The following PTPRG variants were observed in gnomAD, a reference collection of about 807,000 sequenced individuals.
The protein encoded by PTPRG is protein tyrosine phosphatase receptor type G.
Under a neutral mutation model 165.3 loss-of-function variants are expected in PTPRG, and 102 were observed. That is an observed-to-expected ratio of 0.62 (90% CI 0.53 to 0.73). The LOEUF (loss-of-function observed/expected upper bound fraction) is 0.73. Ranked by LOEUF, PTPRG falls within the 30% of genes least tolerant of loss-of-function variation. The pLI is 0.00. For missense variants in PTPRG, 1,866 were observed against 1,861.4 expected (o/e 1.00, Z -0.05); for synonymous variants, 675 against 669.5 (o/e 1.01, Z -0.13).
At chr3:62,022,016 G>T (rs2041706117) in intron 4 of PTPRG, among the ~76,000 whole-genome samples, 2 of 151,870 alleles carry the variant, frequency 1.3e-5, no homozygotes, top group Admixed American at 1.3e-4. Flanking sequence ...CCAATGTAGA[G>T]AATACATATA....
Position 62,252,369 on chromosome 3 carries a change from ACTT to A in PTPRG, c.2468-2749_2468-2747del, listed in dbSNP as rs1204261484. Among the ~76,000 whole-genome samples the A allele has an allele frequency of 2.0e-5, 3 of 152,216 alleles. No individual in the cohort carries two copies. Among genetic ancestry groups the A allele is most frequent in the African/African-American group, 4.8e-5 (2 of 41,458 alleles). On this transcript the variant is annotated intron_variant, in intron 15 of 29. Transcript: ENST00000474889. The surrounding 1 kb of genome is among the most constrained non-coding windows in gnomAD (Gnocchi z 4.6). ...ACTTTTTATCTAGGGTCTGCAGCCA[ACTT>A]CTTCTGCCATTCTAAACTTTTTTCA... is the stretch of plus-strand genomic sequence containing the variant.
intron 1 of PTPRG, among the ~76,000 whole-genome samples, chr3:61,710,925 C>A (rs1043489362): frequency 3.3e-5 from 5 of 151,974 alleles, no homozygotes; most frequent in Non-Finnish European, 7.4e-5. Context: ...TCCCCTAGCC[C>A]CCCGCCCCCA....
At chr3:62,100,438 C>T (rs182991485) in intron 5 of PTPRG, among the ~76,000 whole-genome samples, 156 of 152,096 alleles carry the variant, frequency 1.0e-3, no homozygotes, top group Non-Finnish European at 1.2e-3. Context: ...AATGAAAACC[C>T]ACCCCTACGC....
At chr3:62,200,903 G>A (rs1700082637) in intron 10 of PTPRG, among the ~76,000 whole-genome samples, 1 of 152,106 alleles carries the variant, frequency 6.6e-6, no homozygotes, top group Non-Finnish European at 1.5e-5. Flanking sequence ...AGTTAAGGAT[G>A]GATAATTAGA....
chr3:62,056,903 C>T (rs1442251576), intron 4 of PTPRG, among the ~76,000 whole-genome samples: 1 of 152,172 alleles, frequency 6.6e-6, no homozygotes, highest in Non-Finnish European at 1.5e-5. Flanking sequence ...CTATGTCATT[C>T]ATGGACACGA....
intron 4 of PTPRG, among the ~76,000 whole-genome samples, chr3:62,030,147 G>T (rs1021537366): frequency 6.6e-5 from 10 of 151,532 alleles, no homozygotes; most frequent in Non-Finnish European, 1.0e-4. Context: ...ATGCAGATAG[G>T]TGTTTTACAT....
At chr3:62,070,513 C>T (rs755814806) in intron 4 of PTPRG, among the ~76,000 whole-genome samples, 3 of 152,220 alleles carry the variant, frequency 2.0e-5, no homozygotes, top group Non-Finnish European at 4.4e-5. Context: ...CAGCACTGTG[C>T]TAGGGACACA....
chr3:62,210,796 A>T lies in PTPRG; in HGVS notation c.2155+6846A>T, dbSNP rs1559655330. Among the ~76,000 whole-genome samples the T allele has an allele frequency of 6.6e-6, 1 of 152,034 alleles. No homozygotes were observed. Among genetic ancestry groups the T allele is most frequent in the Non-Finnish European group, 1.5e-5 (1 of 68,014 alleles). On this transcript the variant is annotated intron_variant, in intron 12 of 29. Transcript: ENST00000474889. This position sits in a 1 kb window ranked among gnomAD's most constrained non-coding sequence, Gnocchi z 4.1. Reference sequence around the variant, plus strand: ...TCTTCCTTAGGATTTTCTTTATAACATTTTTTTCTAGCTTACTTTATTGTA... The same window carrying T: ...TCTTCCTTAGGATTTTCTTTATAACTTTTTTTTCTAGCTTACTTTATTGTA...
chr3:62,280,136 T>C (rs542761893), intron 26 of PTPRG, among the ~76,000 whole-genome samples: 4 of 151,452 alleles, frequency 2.6e-5, no homozygotes, highest in Non-Finnish European at 5.9e-5. Flanking sequence ...TTCTATGTTA[T>C]CCCCTCTTGA....
rs1183565671 is a variant in PTPRG, at chr3:62,273,530, G to A, written c.3319-168G>A. ...TAACACAGTCTCTACCGTAAAATAAGTTAAGACTGATAAAGTGAGTATTGG... is the reference window on the plus strand; with the variant it reads ...TAACACAGTCTCTACCGTAAAATAAATTAAGACTGATAAAGTGAGTATTGG... On this transcript the variant is annotated intron_variant, in intron 22 of 29. Coordinates refer to ENST00000474889, the MANE Select transcript of PTPRG (RefSeq NM_002841.4). This position sits in a 1 kb window ranked among gnomAD's most constrained non-coding sequence, Gnocchi z 4.1. 2.6e-5 allele frequency among the ~76,000 whole-genome samples: 4 copies of A among 152,188 alleles called. No individual in the cohort carries two copies. The highest frequency in any genetic ancestry group is 9.6e-5 in the African/African-American group (4 of 41,460).
chr3:62,179,018 T>C (rs1299923034), intron 8 of PTPRG, among the ~76,000 whole-genome samples: 1 of 152,310 alleles, frequency 6.6e-6, no homozygotes, highest in Non-Finnish European at 1.5e-5. Context: ...ATTGGAGCCA[T>C]AGGAGGTATC....
At position 62,295,456 on chromosome 3, in the gene PTPRG, C is replaced by CTTAA. The variant is rs1703029853; in HGVS notation, c.*2151_*2154dup. ...ATGGTCCCTTTCTCAGTAATTTTTT[C>CTTAA]TTAATAAAAGTAAACACTGGTTCAA... is the stretch of plus-strand genomic sequence containing the variant. On this transcript the variant is annotated 3_prime_UTR_variant, in exon 30 of 30. Coordinates refer to ENST00000474889, the MANE Select transcript of PTPRG (RefSeq NM_002841.4). The CTTAA allele has an allele frequency of 6.6e-6, 1 of 151,910 alleles. No individual in the cohort carries two copies. Among genetic ancestry groups the CTTAA allele is most frequent in the East Asian group, 1.9e-4 (1 of 5,178 alleles). The allele number at this position is 151,910 out of a possible 1,614,324, so 9.4% of individuals were successfully genotyped here.
intron 6 of PTPRG, among the ~76,000 whole-genome samples, chr3:62,144,264 A>G (rs1282775795): frequency 6.6e-6 from 1 of 152,188 alleles, no homozygotes; most frequent in African/African-American, 2.4e-5. Context: ...GCCTGCACCC[A>G]GTAATTTGTT....
At chr3:61,783,136 A>G (rs1354707074) in intron 2 of PTPRG, among the ~76,000 whole-genome samples, 1 of 152,156 alleles carries the variant, frequency 6.6e-6, no homozygotes, top group Non-Finnish European at 1.5e-5. Context: ...TTTGTAATTC[A>G]CTTTTTAAAA....
At chr3:61,594,136 C>T (rs1003092018) in intron 1 of PTPRG, among the ~76,000 whole-genome samples, 1 of 152,194 alleles carries the variant, frequency 6.6e-6, no homozygotes, top group Middle Eastern at 3.4e-3. Context: ...CTACCTGTTC[C>T]TGAATGTTTG....
chr3:62,140,662 C>CA (rs1232202574), intron 6 of PTPRG, among the ~76,000 whole-genome samples: 1 of 152,000 alleles, frequency 6.6e-6, no homozygotes, highest in Non-Finnish European at 1.5e-5. Context: ...GCCTGACCAA[C>CA]ATGGTGAAAC....
intron 1 of PTPRG, among the ~76,000 whole-genome samples, chr3:61,709,146 A>G (rs2031421374): frequency 1.3e-5 from 2 of 152,222 alleles, no homozygotes; most frequent in Non-Finnish European, 2.9e-5. Context: ...TCCATTTTGC[A>G]GATGAGGCCA....
intron 5 of PTPRG, among the ~76,000 whole-genome samples, chr3:62,102,959 A>G (rs1702341895): frequency 6.6e-6 from 1 of 152,126 alleles, no homozygotes; most frequent in Non-Finnish European, 1.5e-5. Flanking sequence ...TATTTAGTGC[A>G]TTTTCCCCCA....
At chr3:61,996,530 G>A (rs1266327389) in intron 3 of PTPRG, among the ~76,000 whole-genome samples, 1 of 152,140 alleles carries the variant, frequency 6.6e-6, no homozygotes, top group Non-Finnish European at 1.5e-5. Context: ...CAGCCAAGTA[G>A]ACAGACATTT....
Sources: allele counts gnomAD v4.1 joint callset (sites outside exome capture counted in the v4.1 genomes callset), GRCh38; gene constraint gnomAD v4.1.1; non-coding constraint Gnocchi (gnomAD v3.1); transcripts MANE v1.5; gene names NCBI Gene and HGNC (gene_info 2026-07-23, HGNC 2026-07-21).